The following ALS2CL variants were observed in gnomAD, a reference collection of about 807,000 sequenced individuals.
ALS2CL encodes the protein ALS2 C-terminal-like protein.
A neutral mutation model predicts 127.9 loss-of-function variants in ALS2CL; 112 were observed. That is an observed-to-expected ratio of 0.88 (90% CI 0.75 to 1.02). The LOEUF is 1.02. Among genes scored for constraint, ALS2CL ranks in the 50% least tolerant of loss-of-function variants. The probability of loss-of-function intolerance (pLI) is 0.00; values close to 1 mark genes in which losing one functional copy is unlikely to be tolerated. For synonymous variants in ALS2CL, 519 were observed against 527.6 expected (o/e 0.98, Z 0.22); for missense variants, 1,174 against 1,236.7 (o/e 0.95, Z 0.76).
At chr3:46,674,879 C>G (rs1339422986) in intron 20 of ALS2CL, 140 bp from the exon 21 acceptor site, 3 of 794,762 alleles carry the variant, frequency 3.8e-6, no homozygotes, top group Non-Finnish European at 5.7e-6. Context: ...AAAACCTTTT[C>G]CAAGCCTGTT....
Position 46,677,037 on chromosome 3 carries a change from G to A in ALS2CL, c.1758-15C>T, listed in dbSNP as rs1420790199. On this transcript the variant is annotated splice_polypyrimidine_tract_variant and intron_variant, in intron 16 of 25. Transcript: ENST00000318962. ...CGCCCAGCTGCCTGCGATGGGGATG[G>A]AGGGTGGGTGATGGGGCAGAGAGAG... The A allele has an allele frequency of 3.8e-6, 6 of 1,586,650 alleles. No homozygotes were observed. The African/African-American group carries it at 5.4e-5, about 14-fold the overall frequency.
rs140466271 is a variant in ALS2CL, at chr3:46,688,190, T to C, written c.210A>G (p.Ser70=). Residue 70 remains serine (S), a synonymous_variant, in exon 3 of 26, where the codon TCA becomes TCG. Coordinates refer to ENST00000318962, the MANE Select transcript of ALS2CL (RefSeq NM_147129.5). ...LWEVTEESLH[S]LQERLRYPDS... ...CCGGGTAACGCAGCCTCTCCTGCAG[T>C]GAGTGCAGGCTTTCCTCCGTCACCT... The C allele has an allele frequency of 1.2e-6, 2 of 1,613,074 alleles. No homozygotes were observed. The highest frequency in any genetic ancestry group is 1.7e-6 in the Non-Finnish European group (2 of 1,179,980).
rs1416942170 is a variant in ALS2CL at position 46,681,130 on chromosome 3, G to A, written c.1436+116C>T. The A allele has an allele frequency of 6.7e-7, 1 of 1,498,364 alleles. No individual in the cohort carries two copies. The highest frequency in any genetic ancestry group is 1.7e-5 in the Admixed American group (1 of 59,626). The allele number at this position is 1,498,364 out of a possible 1,614,324, so 92.8% of individuals were successfully genotyped here. On this transcript the variant is annotated intron_variant, in intron 13 of 25. Coordinates refer to ENST00000318962, the MANE Select transcript of ALS2CL (RefSeq NM_147129.5). The surrounding 1 kb of genome is among the most constrained non-coding windows in gnomAD (Gnocchi z 4.9). Reference sequence around the variant, plus strand: ...AACCGAGGGACTGGAGGGGAAGTGAGGGGCTTAAGAGAGACACAGTGGGGG... The same window carrying A: ...AACCGAGGGACTGGAGGGGAAGTGAAGGGCTTAAGAGAGACACAGTGGGGG...
chr3:46,686,414 A>G lies in ALS2CL; in HGVS notation c.560T>C (p.Val187Ala), dbSNP rs1221509451. 6.2e-7 allele frequency: 1 copy of G among 1,613,506 alleles called. No individual in the cohort carries two copies. The highest frequency in any genetic ancestry group is 2.2e-5 in the East Asian group (1 of 44,846). Residue 187 changes from valine (V) to alanine (A), a missense_variant, in exon 6 of 26, where the codon GTG becomes GCG. Val to Ala is a moderately conservative substitution (Grantham distance 64). Coordinates refer to ENST00000318962, the MANE Select transcript of ALS2CL (RefSeq NM_147129.5). The surrounding 1 kb of genome is among the most constrained non-coding windows in gnomAD (Gnocchi z 4.3). The part of the protein sequence containing the change: ...GEHHPTRELV[V>A]NAVTLFGNLQ... Reference sequence around the variant, plus strand: ...GTTCCCAAAGAGGGTGACTGCGTTCACCACCAGCTCCCGGGTTGGGTGATG... The same window carrying G: ...GTTCCCAAAGAGGGTGACTGCGTTCGCCACCAGCTCCCGGGTTGGGTGATG...
rs112995157 is a variant in ALS2CL, at chr3:46,676,935, G to C, written c.1845C>G (p.Pro615=). ...PFRDFVCAGC[P]RDLQEALLGF... ...CCAGCAGGGCCTCCTGCAGGTCCCT[G>C]GGGCAGCCAGCACACACAAAGTCCC... Residue 615 remains proline (P), a synonymous_variant, in exon 17 of 26, where the codon CCC becomes CCG. Coordinates refer to ENST00000318962, the MANE Select transcript of ALS2CL (RefSeq NM_147129.5). The C allele has an allele frequency of 6.2e-7, 1 of 1,613,710 alleles. No individual in the cohort carries two copies.
At position 46,683,247 on chromosome 3, in the gene ALS2CL, C is replaced by G; in HGVS notation, c.992G>C (p.Gly331Ala). The stretch of plus-strand genomic sequence containing the variant: ...GTCGGGAGGCTGGGAGGGCTCCAGG[C>G]CAGCCCCCAGCACGGGGAAGTCCTT... Reference protein sequence around the residue: ...GKKDFPVLGAGLEPSQPPDCR... With the variant: ...GKKDFPVLGAALEPSQPPDCR... The change falls in exon 10 of 26, where the codon GGC (glycine) becomes GCC (alanine). Residue 331 changes from glycine to alanine, a missense_variant. Gly to Ala is a moderately conservative substitution (Grantham distance 60, BLOSUM62 0). Transcript: ENST00000318962. The G allele has an allele frequency of 6.2e-7, 1 of 1,610,778 alleles. No homozygotes were observed. The highest frequency in any genetic ancestry group is 8.5e-7 in the Non-Finnish European group (1 of 1,178,730).
Position 46,683,667 on chromosome 3 carries a change from C to T in ALS2CL, c.912+115G>A, listed in dbSNP as rs866753523. The T allele has an allele frequency of 9.6e-5, 126 of 1,312,386 alleles. No individual in the cohort carries two copies. The Middle Eastern group carries it at 2.2e-3, about 23-fold the overall frequency. The allele number at this position is 1,312,386 out of a possible 1,614,324, so 81.3% of individuals were successfully genotyped here. A position where few individuals can be genotyped will look rare whatever the true frequency, so the allele number is the denominator to read the frequency against. On this transcript the variant is annotated intron_variant, in intron 9 of 25. Coordinates refer to ENST00000318962, the MANE Select transcript of ALS2CL (RefSeq NM_147129.5). ...TTTACTCTGACCAGGTCCCCAGAAG[C>T]CTGCCAGACACTCGCCGGCACTCCT...
Position 46,682,069 on chromosome 3 carries a change from G to A in ALS2CL, c.1135C>T (p.Arg379Trp), listed in dbSNP as rs371712521. ...GKGTLKWPDG[R>W]NHVGNFCQGL... ...TGGCAGAAATTCCCCACGTGATTCC[G>A]CCCATCCGGCCATTTCAGGGTTCCC... Residue 379 changes from arginine (R) to tryptophan (W), a missense_variant, in exon 11 of 26, where the codon CGG (arginine) becomes TGG (tryptophan). Transcript: ENST00000318962. 179 of 1,613,800 alleles carry A rather than the reference G, an allele frequency of 1.1e-4. No homozygotes were observed. The highest frequency in any genetic ancestry group is 1.5e-4 in the Non-Finnish European group (173 of 1,179,952).
chr3:46,678,175 C>T (rs1699024493), intron 16 of ALS2CL, 84 bp downstream of exon 16: 1 of 1,359,086 alleles, frequency 7.4e-7, no homozygotes, highest in Non-Finnish European at 9.6e-7. Flanking sequence ...GCAAAAAGGC[C>T]CCTCTGAGGA....
chr3:46,678,861 T>C (rs1001069744), intron 15 of ALS2CL, among the ~76,000 whole-genome samples: 2 of 152,208 alleles, frequency 1.3e-5, no homozygotes, highest in Non-Finnish European at 2.9e-5. Context: ...TTTTCCTGGG[T>C]TAGCTCAGGG....
Position 46,687,740 on chromosome 3 carries a change from C to A in ALS2CL, c.303-56G>T, listed in dbSNP as rs1263774173. On this transcript the variant is annotated intron_variant, in intron 3 of 25. Transcript: ENST00000318962. ...CCCAGTCCTCAGCCCCAGACCTAAG[C>A]CCCTGGTCCCTGGGATCCCCAGATC... 4 of 1,542,596 alleles carry A rather than the reference C, an allele frequency of 2.6e-6. No homozygotes were observed. In the African/African-American group the frequency reaches 4.1e-5, roughly 16 times the overall value.
rs759802317 is a variant in ALS2CL at position 46,676,668 on chromosome 3, T to C, written c.2002A>G (p.Lys668Glu). ...LEELLQHREP[K>E]ALQLYLRKAL... ...TTCCTGAGGTACAGCTGCAGGGCCT[T>C]GGGCTCCCGGTGCTGCAGCAGCTCC... The change falls in exon 18 of 26, where the codon AAG becomes GAG. Residue 668 changes from lysine to glutamate, a missense_variant. Coordinates refer to ENST00000318962, the MANE Select transcript of ALS2CL (RefSeq NM_147129.5). 7 of 1,613,444 alleles carry C rather than the reference T, an allele frequency of 4.3e-6. No homozygotes were observed. The highest frequency in any genetic ancestry group is 5.1e-6 in the Non-Finnish European group (6 of 1,179,934).
Position 46,686,222 on chromosome 3 carries a change from A to T in ALS2CL, c.666+86T>A. 6 of 1,467,502 alleles carry T rather than the reference A, an allele frequency of 4.1e-6. No individual in the cohort carries two copies. Among genetic ancestry groups the T allele is most frequent in the Non-Finnish European group, 5.4e-6 (6 of 1,106,724 alleles). The allele number at this position is 1,467,502 out of a possible 1,614,324, so 90.9% of individuals were successfully genotyped here. On this transcript the variant is annotated intron_variant, in intron 6 of 25. Coordinates refer to ENST00000318962, the MANE Select transcript of ALS2CL (RefSeq NM_147129.5). The surrounding 1 kb of genome is among the most constrained non-coding windows in gnomAD (Gnocchi z 4.3). The stretch of plus-strand genomic sequence containing the variant: ...CATATAGGGAAACTGAGGCCCAGAG[A>T]ATACAGCAAGCAGCTCAAGCCCCCC...
At chr3:46,687,743 C>A in intron 3 of ALS2CL, 59 bp from the exon 4 acceptor site, 1 of 1,534,436 alleles carries the variant, frequency 6.5e-7, no homozygotes, top group Non-Finnish European at 8.8e-7. Flanking sequence ...ACCTAAGCCC[C>A]TGGTCCCTGG....
chr3:46,676,445 G>A, intron 18 of ALS2CL, 43 bp from the exon 19 acceptor site: 1 of 1,609,562 alleles, frequency 6.2e-7, no homozygotes, highest in Admixed American at 1.7e-5. Flanking sequence ...AAGCACTGGG[G>A]TCTGGAGCAC....
At chr3:46,685,381 C>T (rs1699683602) in intron 7 of ALS2CL, 144 bp downstream of exon 7, 1 of 1,379,640 alleles carries the variant, frequency 7.2e-7, no homozygotes. Context: ...ACCGCCCCTC[C>T]CCAACACAAC....
chr3:46,692,691 TG>T (rs933519255), intron 1 of ALS2CL, among the ~76,000 whole-genome samples: 7 of 152,090 alleles, frequency 4.6e-5, no homozygotes, highest in Non-Finnish European at 1.0e-4. Context: ...CGGGGTGCGG[TG>T]GGGTGGGGCA....
In ALS2CL at chr3:46,681,548, TA is replaced by T. The variant is rs780017299; in HGVS notation, c.1225del (p.Tyr409ThrfsTer129). ...GCTGCCTTCTCGCCAGTGACACTTG[TA>T]ACAGTCGAACTTGTCCTCAGAGGCC... ...PQASEDKFDC[Y>X]KCHWREGSMC... On this transcript the variant is annotated frameshift_variant, in exon 12 of 26. Transcript: ENST00000318962. LOFTEE classifies it high-confidence loss of function. This position sits in a 1 kb window ranked among gnomAD's most constrained non-coding sequence, Gnocchi z 4.9. 9 of 1,614,142 alleles carry T rather than the reference TA, an allele frequency of 5.6e-6. No homozygotes were observed. The highest frequency in any genetic ancestry group is 7.6e-6 in the Non-Finnish European group (9 of 1,180,002).
chr3:46,679,286 C>T lies in ALS2CL; in HGVS notation c.1550G>A (p.Gly517Asp), dbSNP rs1251831194. The stretch of plus-strand genomic sequence containing the variant: ...GTCTTCAGAGAGGAGGATGCCCGGG[C>T]CCTTGGGGAGAGGAAGCCAGGGAGG... ...QGTFQADKTV[G>D]PGILLSEDDS... The change falls in exon 15 of 26, where the codon GGC becomes GAC. Residue 517 changes from glycine to aspartate, a missense_variant and splice_region_variant. Transcript: ENST00000318962. 1 of 1,585,538 alleles carries T rather than the reference C, an allele frequency of 6.3e-7. No individual in the cohort carries two copies. Among genetic ancestry groups the T allele is most frequent in the Non-Finnish European group, 8.6e-7 (1 of 1,165,292 alleles).
Sources: allele counts gnomAD v4.1 joint callset (sites outside exome capture counted in the v4.1 genomes callset), GRCh38; gene constraint gnomAD v4.1.1; non-coding constraint Gnocchi (gnomAD v3.1); transcripts MANE v1.5; gene names NCBI Gene and HGNC (gene_info 2026-07-23, HGNC 2026-07-21).